The following BTBD6 variants were observed in gnomAD, a reference collection of about 807,000 sequenced individuals.
BTBD6 encodes BTB domain containing 6.
In BTBD6, 30 loss-of-function variants were observed where a neutral mutation model predicts 40.6. That is an observed-to-expected ratio of 0.74 (90% CI 0.55 to 1.00). The LOEUF (loss-of-function observed/expected upper bound fraction) is 1.00. Among genes scored for constraint, BTBD6 ranks in the 50% least tolerant of loss-of-function variants. The pLI is 0.00. For synonymous variants in BTBD6, 378 were observed against 308.7 expected (o/e 1.22, Z -2.35); for missense variants, 698 against 694.6 (o/e 1.00, Z -0.06).
In BTBD6 at chr14:105,249,251, G is replaced by A. The variant is rs587607838; in HGVS notation, c.465+4G>A. ...CAGGACGGTGCCCGCCCACAAGGTG[G>A]GTAGCGGCGGCCCCTCTCGGAACGC... On this transcript the variant is annotated splice_donor_region_variant and intron_variant, in intron 2 of 3. Transcript: ENST00000392554. The A allele has an allele frequency of 6.4e-7, 1 of 1,569,922 alleles. No individual in the cohort carries two copies. The highest frequency in any genetic ancestry group is 2.3e-5 in the East Asian group (1 of 43,400).
chr14:105,249,594 TG>T lies in BTBD6; in HGVS notation c.585-43del, dbSNP rs781573339. 11 of 1,586,340 alleles carry T rather than the reference TG, an allele frequency of 6.9e-6. No individual in the cohort carries two copies. The African/African-American group carries it at 1.5e-4, about 21-fold the overall frequency. On this transcript the variant is annotated intron_variant, in intron 3 of 3. Coordinates refer to ENST00000392554, the MANE Select transcript of BTBD6 (RefSeq NM_001387567.1). ...TCCTCTCCCAGGCCCAGCCCCGCGA[TG>T]GGTGCTTGGGAGCCAGCCCCTGACG...
rs901156745 is a variant in BTBD6 at position 105,250,771 on chromosome 14, C to T, written c.*99C>T. 20 of 1,249,694 alleles carry T rather than the reference C, an allele frequency of 1.6e-5. No homozygotes were observed. The highest frequency in any genetic ancestry group is 7.5e-5 in the Admixed American group (3 of 39,770). 77.4% of individuals were successfully genotyped at this position (1,249,694 alleles called of 1,614,324 possible). A position where few individuals can be genotyped will look rare whatever the true frequency, so the allele number is the denominator to read the frequency against. On this transcript the variant is annotated 3_prime_UTR_variant, in exon 4 of 4. Transcript: ENST00000392554. Reference sequence around the variant, plus strand: ...CATGAAAGGCTGCTCTTAACTTTGTCTCTCTTTGACATGTAGTCAGCTGAA... The same window carrying T: ...CATGAAAGGCTGCTCTTAACTTTGTTTCTCTTTGACATGTAGTCAGCTGAA...
chr14:105,250,188 T>G lies in BTBD6; in HGVS notation c.1133T>G (p.Phe378Cys). The change falls in exon 4 of 4, where the codon TTT becomes TGT. Residue 378 changes from phenylalanine to cysteine, a missense_variant. Phe to Cys is a radical substitution (Grantham distance 205). Transcript: ENST00000392554. ...GCCACCAACAAGCCCCGCCTGGACT[T>G]TCCCCTGACCAAGAGGAAGGGCCTC... ...YTATNKPRLD[F>C]PLTKRKGLAP... is the part of the protein sequence containing the mutation. 6.2e-7 allele frequency: 1 copy of G among 1,612,980 alleles called. No homozygotes were observed. The highest frequency in any genetic ancestry group is 8.5e-7 in the Non-Finnish European group (1 of 1,180,026).
rs1423815086 is a variant in BTBD6, at chr14:105,249,123, C to G, written c.375-34C>G. 3.9e-6 allele frequency: 6 copies of G among 1,520,894 alleles called. No individual in the cohort carries two copies. In the African/African-American group the frequency reaches 8.5e-5, roughly 22 times the overall value. The allele number at this position is 1,520,894 out of a possible 1,614,324, so 94.2% of individuals were successfully genotyped here. The stretch of plus-strand genomic sequence containing the variant: ...CCCGCGGCCCCCGCGCCCGCGCGCG[C>G]CCACGCCCCCAGCCCGTGCCTCTAC... On this transcript the variant is annotated intron_variant, in intron 1 of 3. Transcript: ENST00000392554.
rs587662307 is a variant in BTBD6, at chr14:105,249,094, G to A, written c.374+9G>A. The A allele has an allele frequency of 9.5e-5, 141 of 1,482,942 alleles. 2 individuals carry two copies. In the East Asian group the frequency reaches 3.6e-3, roughly 38 times the overall value. The allele number at this position is 1,482,942 out of a possible 1,614,324, so 91.9% of individuals were successfully genotyped here. ...CCCACGCTGCGCGAGAGGTGAGCCC[G>A]TGCCCCGCGGCCCCCGCGCCCGCGC... On this transcript the variant is annotated intron_variant, in intron 1 of 3. Coordinates refer to ENST00000392554, the MANE Select transcript of BTBD6 (RefSeq NM_001387567.1).
rs762982511 is a variant in BTBD6, at chr14:105,250,573, G to A, written c.1518G>A (p.Gln506=). Residue 506 remains glutamine (Q), a synonymous_variant, in exon 4 of 4, where the codon CAG becomes CAA. Coordinates refer to ENST00000392554, the MANE Select transcript of BTBD6 (RefSeq NM_001387567.1). The stretch of plus-strand genomic sequence containing the variant: ...GGCAGGAGGGGATGACGGAAGTGCA[G>A]TGTGGAAAGGTGGCCTTCCAGTTCC... ...YFGQEGMTEV[Q]CGKVAFQFQC... is the part of the protein sequence containing the mutation. The A allele has an allele frequency of 1.9e-6, 3 of 1,614,164 alleles. No individual in the cohort carries two copies. The East Asian group carries it at 6.7e-5, about 36-fold the overall frequency.
chr14:105,250,721 C>A lies in BTBD6; in HGVS notation c.*49C>A. On this transcript the variant is annotated 3_prime_UTR_variant, in exon 4 of 4. Coordinates refer to ENST00000392554, the MANE Select transcript of BTBD6 (RefSeq NM_001387567.1). ...GTCAGCGAGTGAGTGGAGGGGAAGT[C>A]AAGATGCTAACTGCTTCTTGACACC... 6.5e-7 allele frequency: 1 copy of A among 1,544,026 alleles called. No homozygotes were observed. The highest frequency in any genetic ancestry group is 1.2e-5 in the South Asian group (1 of 83,184).
Position 105,250,070 on chromosome 14 carries a change from C to T in BTBD6, c.1015C>T (p.Pro339Ser). The change falls in exon 4 of 4, where the codon CCA becomes TCA. Residue 339 changes from proline (P) to serine (S), a missense_variant. Coordinates refer to ENST00000392554, the MANE Select transcript of BTBD6 (RefSeq NM_001387567.1). Reference sequence around the variant, plus strand: ...GCGAGCCCTCTATCTGGTCCGAATTCCAACCATGACCCTAGAGGAGTTTGC... The same window carrying T: ...GCGAGCCCTCTATCTGGTCCGAATTTCAACCATGACCCTAGAGGAGTTTGC... ...LGRALYLVRI[P>S]TMTLEEFANG... 6.2e-7 allele frequency: 1 copy of T among 1,613,016 alleles called. No individual in the cohort carries two copies. Among genetic ancestry groups the T allele is most frequent in the Non-Finnish European group, 8.5e-7 (1 of 1,180,044 alleles).
At position 105,248,888 on chromosome 14, in the gene BTBD6, C is replaced by A; in HGVS notation, c.177C>A (p.Tyr59Ter). 1.0e-6 allele frequency: 1 copy of A among 988,188 alleles called. No individual in the cohort carries two copies. The highest frequency in any genetic ancestry group is 1.2e-6 in the Non-Finnish European group (1 of 833,282). 61.2% of individuals were successfully genotyped at this position (988,188 alleles called of 1,614,324 possible). A position where few individuals can be genotyped will look rare whatever the true frequency, so the allele number is the denominator to read the frequency against. The change falls in exon 1 of 4, where the codon TAC becomes TAA. Residue 59 changes from tyrosine (Y) to a stop codon, truncating the protein, a stop_gained. Coordinates refer to ENST00000392554, the MANE Select transcript of BTBD6 (RefSeq NM_001387567.1). LOFTEE classifies it high-confidence loss of function. Reference protein sequence around the residue: ...APPAKMAAELYAPASAAAADL... With the variant: ...APPAKMAAEL The stretch of plus-strand genomic sequence containing the variant: ...CCGCGAAGATGGCGGCGGAACTCTA[C>A]GCTCCCGCCAGCGCCGCGGCCGCGG...
rs752677725 is a variant in BTBD6, at chr14:105,250,636, G to A, written c.1581G>A (p.Gln527=). 1.9e-6 allele frequency: 3 copies of A among 1,613,076 alleles called. No homozygotes were observed. The African/African-American group carries it at 4.0e-5, about 22-fold the overall frequency. ...SSDSTNGTGV[Q]GGQIPELIFY... ...ACAGCACCAACGGGACTGGGGTCCA[G>A]GGTGGGCAGATCCCTGAGCTCATTT... Residue 527 remains glutamine (Q), a synonymous_variant, in exon 4 of 4, where the codon CAG becomes CAA. Transcript: ENST00000392554.
chr14:105,249,383 C>T lies in BTBD6; in HGVS notation c.489C>T (p.Ser163=). Residue 163 remains serine (S), a synonymous_variant, in exon 3 of 4, where the codon TCC becomes TCT. Coordinates refer to ENST00000392554, the MANE Select transcript of BTBD6 (RefSeq NM_001387567.1). ...AHKYVLAVGS[S]VFYAMFYGDL... ...AGTACGTCTTGGCTGTCGGCAGCTC[C>T]GTCTTCTATGCCATGTTCTACGGAG... The T allele has an allele frequency of 1.9e-6, 3 of 1,612,382 alleles. No homozygotes were observed. The highest frequency in any genetic ancestry group is 1.1e-5 in the South Asian group (1 of 90,828).
In BTBD6 at chr14:105,250,487, G is replaced by A; in HGVS notation, c.1432G>A (p.Glu478Lys). 6.2e-7 allele frequency: 1 copy of A among 1,614,058 alleles called. No homozygotes were observed. The highest frequency in any genetic ancestry group is 8.5e-7 in the Non-Finnish European group (1 of 1,180,040). The change falls in exon 4 of 4, where the codon GAA becomes AAA. Residue 478 changes from glutamate (E) to lysine (K), a missense_variant. Physicochemically the swap from Glu to Lys is moderately conservative, Grantham distance 56. Coordinates refer to ENST00000392554, the MANE Select transcript of BTBD6 (RefSeq NM_001387567.1). ...PVWFEHPVQV[E>K]QDTFYTASAV... ...CTGGTTTGAACACCCGGTCCAGGTT[G>A]AACAAGACACCTTCTACACGGCCAG...
chr14:105,249,733 A>C lies in BTBD6; in HGVS notation c.678A>C (p.Lys226Asn). 1 of 1,613,916 alleles carries C rather than the reference A, an allele frequency of 6.2e-7. No individual in the cohort carries two copies. Among genetic ancestry groups the C allele is most frequent in the Non-Finnish European group, 8.5e-7 (1 of 1,180,036 alleles). Residue 226 changes from lysine (K) to asparagine (N), a missense_variant, in exon 4 of 4, where the codon AAA (lysine) becomes AAC (asparagine). Coordinates refer to ENST00000392554, the MANE Select transcript of BTBD6 (RefSeq NM_001387567.1). The part of the protein sequence containing the change: ...AKKYIVPALA[K>N]ACVNFLETSL... ...AGTACATCGTCCCAGCATTGGCAAAAGCCTGTGTCAACTTTCTGGAGACAA... is the reference window on the plus strand; with the variant it reads ...AGTACATCGTCCCAGCATTGGCAAACGCCTGTGTCAACTTTCTGGAGACAA...
Position 105,248,787 on chromosome 14 carries a change from C to G in BTBD6, c.76C>G (p.Leu26Val). ...CTCCTTGCTTTTGCTTGCAGAGCCGCTCCCGAGGCCCCGGCGCGGCGCGAG... is the reference window on the plus strand; with the variant it reads ...CTCCTTGCTTTTGCTTGCAGAGCCGGTCCCGAGGCCCCGGCGCGGCGCGAG... ...LTSLLLLAEP[L>V]PRPRRGARAR... The change falls in exon 1 of 4, where the codon CTC becomes GTC. Residue 26 changes from leucine (L) to valine (V), a missense_variant. Coordinates refer to ENST00000392554, the MANE Select transcript of BTBD6 (RefSeq NM_001387567.1). 1.0e-6 allele frequency: 1 copy of G among 982,420 alleles called. No homozygotes were observed. The highest frequency in any genetic ancestry group is 1.2e-6 in the Non-Finnish European group (1 of 829,528). 60.9% of individuals were successfully genotyped at this position (982,420 alleles called of 1,614,324 possible).
Position 105,250,232 on chromosome 14 carries a change from C to G in BTBD6, c.1177C>G (p.Arg393Gly). 6.2e-7 allele frequency: 1 copy of G among 1,612,948 alleles called. No homozygotes were observed. The highest frequency in any genetic ancestry group is 8.5e-7 in the Non-Finnish European group (1 of 1,180,042). Reference sequence around the variant, plus strand: ...GGGCCTCGCCCCGCAGAGGTGCCACCGATTCCAGTCTTCTGCCTACCGCAG... The same window carrying G: ...GGGCCTCGCCCCGCAGAGGTGCCACGGATTCCAGTCTTCTGCCTACCGCAG... The part of the protein sequence containing the change: ...RKGLAPQRCH[R>G]FQSSAYRSNQ... Residue 393 changes from arginine (R) to glycine (G), a missense_variant, in exon 4 of 4, where the codon CGA becomes GGA. By Grantham distance (125) the Arg-to-Gly change is moderately radical. Transcript: ENST00000392554.
Position 105,248,615 on chromosome 14 carries a change from G to C in BTBD6, c.-97G>C. ...ACGGCGCCCCCCGCGGCCGGGCCTG[G>C]CCGGGCTGCGCTAGGCTGGGCTCGG... On this transcript the variant is annotated 5_prime_UTR_variant, in exon 1 of 4. Transcript: ENST00000392554. 1 of 976,888 alleles carries C rather than the reference G, an allele frequency of 1.0e-6. No homozygotes were observed. Among genetic ancestry groups the C allele is most frequent in the East Asian group, 1.1e-4 (1 of 8,718 alleles). 60.5% of individuals were successfully genotyped at this position (976,888 alleles called of 1,614,324 possible). A position where few individuals can be genotyped will look rare whatever the true frequency, so the allele number is the denominator to read the frequency against.
chr14:105,249,837 G>A lies in BTBD6; in HGVS notation c.782G>A (p.Trp261Ter). ...FEEPELTQRC[W>*]EVIDAQAEMA... ...GAGCCCGAGCTGACGCAGCGCTGCTGGGAGGTCATTGACGCACAGGCCGAG... is the reference window on the plus strand; with the variant it reads ...GAGCCCGAGCTGACGCAGCGCTGCTAGGAGGTCATTGACGCACAGGCCGAG... The change falls in exon 4 of 4, where the codon TGG (tryptophan) becomes TAG (stop). Residue 261 changes from tryptophan to a stop codon, truncating the protein, a stop_gained. Transcript: ENST00000392554. LOFTEE classifies it high-confidence loss of function. 6.2e-7 allele frequency: 1 copy of A among 1,613,408 alleles called. No homozygotes were observed. The highest frequency in any genetic ancestry group is 8.5e-7 in the Non-Finnish European group (1 of 1,180,046).
Position 105,250,643 on chromosome 14 carries a change from C to G in BTBD6, c.1588C>G (p.Gln530Glu). The change falls in exon 4 of 4, where the codon CAG becomes GAG. Residue 530 changes from glutamine to glutamate, a missense_variant. Coordinates refer to ENST00000392554, the MANE Select transcript of BTBD6 (RefSeq NM_001387567.1). Reference protein sequence around the residue: ...STNGTGVQGGQIPELIFYA With the variant: ...STNGTGVQGGEIPELIFYA The stretch of plus-strand genomic sequence containing the variant: ...CAACGGGACTGGGGTCCAGGGTGGG[C>G]AGATCCCTGAGCTCATTTTCTATGC... 1 of 1,612,278 alleles carries G rather than the reference C, an allele frequency of 6.2e-7. No individual in the cohort carries two copies. Among genetic ancestry groups the G allele is most frequent in the Non-Finnish European group, 8.5e-7 (1 of 1,179,186 alleles).
chr14:105,250,420 G>A lies in BTBD6; in HGVS notation c.1365G>A (p.Leu455=), dbSNP rs144442700. 1.2e-6 allele frequency: 2 copies of A among 1,613,932 alleles called. No homozygotes were observed. Among genetic ancestry groups the A allele is most frequent in the Non-Finnish European group, 1.7e-6 (2 of 1,180,042 alleles). The change falls in exon 4 of 4, where the codon TTG becomes TTA. Residue 455 remains leucine (L), a synonymous_variant. Transcript: ENST00000392554. ...TCGGGGTGGTTCTGGCTCAGAACTTGACCAAGTTCATGTCAGACGGATCCA... is the reference window on the plus strand; with the variant it reads ...TCGGGGTGGTTCTGGCTCAGAACTTAACCAAGTTCATGTCAGACGGATCCA... The part of the protein sequence containing the change: ...KRLGVVLAQN[L]TKFMSDGSSN...
Sources: allele counts gnomAD v4.1 joint callset, GRCh38; gene constraint gnomAD v4.1.1; transcripts MANE v1.5; gene names NCBI Gene and HGNC (gene_info 2026-07-23, HGNC 2026-07-21).